CDH2: variants seen among roughly 807,000 people sequenced by gnomAD.
The protein encoded by CDH2 is cadherin-2.
A neutral mutation model predicts 92.0 loss-of-function variants in CDH2; 17 were observed. The observed-to-expected ratio is 0.18, with a 90% CI of 0.13 to 0.28. The LOEUF is 0.28. Among genes scored for constraint, CDH2 ranks in the 10% least tolerant of loss-of-function variants. The pLI, the probability that CDH2 is intolerant of heterozygous loss-of-function variation, is 1.00. For synonymous variants in CDH2, 419 were observed against 415.9 expected (o/e 1.01, Z -0.09); for missense variants, 862 against 1,133.1 (o/e 0.76, Z 3.44).
chr18:28,163,774 A>G (rs1000638368), intron 1 of CDH2, among the ~76,000 whole-genome samples: 2 of 152,234 alleles, frequency 1.3e-5, no homozygotes, highest in African/African-American at 4.8e-5. Context: ...TTATATATAC[A>G]CATGCATGAT....
chr18:28,129,784 G>T (rs982662504), intron 2 of CDH2, among the ~76,000 whole-genome samples: 1 of 152,086 alleles, frequency 6.6e-6, no homozygotes, highest in Non-Finnish European at 1.5e-5. Flanking sequence ...AGCTGGGATC[G>T]TACATTTATC....
intron 6 of CDH2, 115 bp downstream of exon 6, chr18:28,005,734 G>T: frequency 3.1e-6 from 2 of 651,156 alleles, no homozygotes; most frequent in Non-Finnish European, 2.4e-6. Context: ...CATTATGAAT[G>T]AAAGAAAAGG....
At chr18:28,000,612 A>C (rs1053280472) in intron 7 of CDH2, among the ~76,000 whole-genome samples, 1 of 152,192 alleles carries the variant, frequency 6.6e-6, no homozygotes, top group African/African-American at 2.4e-5. Context: ...GAAAATGGAC[A>C]TGAAATGGAA....
At chr18:28,060,509 G>GT (rs1249057492) in intron 2 of CDH2, among the ~76,000 whole-genome samples, 16 of 152,186 alleles carry the variant, frequency 1.1e-4, no homozygotes, top group Middle Eastern at 3.4e-3. Context: ...ATTAACTGCA[G>GT]TATTTCTTTA....
chr18:27,944,379 TTAAG>T (rs1390447107), intron 6 of CDH2, among the ~76,000 whole-genome samples: 1 of 152,196 alleles, frequency 6.6e-6, no homozygotes, highest in African/African-American at 2.4e-5. Context: ...CATTTCATAA[TTAAG>T]TTAGCCATTA....
At chr18:28,173,673 A>C (rs2016496527) in intron 1 of CDH2, among the ~76,000 whole-genome samples, 1 of 152,172 alleles carries the variant, frequency 6.6e-6, no homozygotes, top group South Asian at 2.1e-4. Context: ...ATGAACATTA[A>C]AATACTGTCC....
Position 28,133,653 on chromosome 18 carries a change from T to C in CDH2, c.172+14020A>G, listed in dbSNP as rs114205539. On this transcript the variant is annotated intron_variant, in intron 2 of 15. Transcript: ENST00000269141. ...TAATAAATAAAATCTATTGTCATTATAGAGCCATGAATTCTCTTGTTTGCG... is the reference window on the plus strand; with the variant it reads ...TAATAAATAAAATCTATTGTCATTACAGAGCCATGAATTCTCTTGTTTGCG... Among the ~76,000 whole-genome samples, 1,369 of 151,858 alleles carry C rather than the reference T, an allele frequency of 9.0e-3. 17 individuals are homozygous for C. The highest frequency in any genetic ancestry group is 0.031 in the African/African-American group (1,264 of 41,374).
chr18:28,139,442 T>C (rs896173202), intron 2 of CDH2, among the ~76,000 whole-genome samples: 2 of 152,004 alleles, frequency 1.3e-5, no homozygotes, highest in Non-Finnish European at 2.9e-5. Flanking sequence ...TCAATCTGTA[T>C]CCAAACTGAG....
At chr18:27,971,101 T>C (rs925482462) in intron 14 of CDH2, among the ~76,000 whole-genome samples, 3 of 152,104 alleles carry the variant, frequency 2.0e-5, no homozygotes, top group Non-Finnish European at 4.4e-5. Flanking sequence ...CTGGGCGTCG[T>C]GGCACACGCC....
At position 27,952,133 on chromosome 18, in the gene CDH2, A is replaced by C. The variant is rs768651826; in HGVS notation, c.*20T>G. 5 of 1,604,934 alleles carry C rather than the reference A, an allele frequency of 3.1e-6. No individual in the cohort carries two copies. The South Asian group carries it at 5.5e-5, about 18-fold the overall frequency. On this transcript the variant is annotated 3_prime_UTR_variant, in exon 16 of 16. Coordinates refer to ENST00000269141, the MANE Select transcript of CDH2 (RefSeq NM_001792.5). ...TTGAAATTGTTTGTACTTGTCCAAA[A>C]ACCAAGTTCACCCTGAAGTTCAGTC...
chr18:28,112,427 C>T (rs1160170051), intron 2 of CDH2, among the ~76,000 whole-genome samples: 3 of 152,096 alleles, frequency 2.0e-5, no homozygotes, highest in Non-Finnish European at 4.4e-5. Context: ...ACCAAATGGC[C>T]AGTAAAGAGG....
chr18:28,137,659 T>C (rs573509027), intron 2 of CDH2, among the ~76,000 whole-genome samples: 5 of 152,290 alleles, frequency 3.3e-5, no homozygotes, highest in African/African-American at 1.2e-4. Context: ...TTCTATGTTG[T>C]ATAAGTTTAG....
chr18:27,957,132 T>TCCCATCCATCCATCCATCCA (rs2011268651), intron 15 of CDH2, among the ~76,000 whole-genome samples: 1 of 8,708 alleles, frequency 1.1e-4, no homozygotes, highest in African/African-American at 1.5e-4. Flanking sequence ...TATCCATCCA[T>TCCCATCCATCCATCCATCCA]CCCATCCATC....
chr18:28,093,995 A>T (rs541436200), intron 2 of CDH2, among the ~76,000 whole-genome samples: 1 of 152,312 alleles, frequency 6.6e-6, no homozygotes, highest in South Asian at 2.1e-4. Flanking sequence ...CACACCAATG[A>T]ATCTAAATTA....
chr18:28,149,216 G>A (rs768269741), intron 1 of CDH2, among the ~76,000 whole-genome samples: 1 of 152,144 alleles, frequency 6.6e-6, no homozygotes, highest in Non-Finnish European at 1.5e-5. Flanking sequence ...GAGTGCTCCA[G>A]TTGACATGTG....
Position 28,177,054 on chromosome 18 carries a change from A to AGGCGGCGGCGGCGGC in CDH2, c.-33_-32insGCCGCCGCCGCCGCC. ...GGAGAGGGGCCGAGCGAAGAGCCGG[A>AGGCGGCGGCGGCGGC]GGAGGCGGCGGCGGCGGCGGCGGCG... On this transcript the variant is annotated 5_prime_UTR_variant, in exon 1 of 16. Coordinates refer to ENST00000269141, the MANE Select transcript of CDH2 (RefSeq NM_001792.5). 4 of 1,434,688 alleles carry AGGCGGCGGCGGCGGC rather than the reference A, an allele frequency of 2.8e-6. No homozygotes were observed. Among genetic ancestry groups the AGGCGGCGGCGGCGGC allele is most frequent in the Non-Finnish European group, 2.8e-6 (3 of 1,083,868 alleles). 88.9% of individuals were successfully genotyped at this position (1,434,688 alleles called of 1,614,324 possible).
At chr18:28,063,236 T>C (rs1016049252) in intron 2 of CDH2, among the ~76,000 whole-genome samples, 2 of 152,222 alleles carry the variant, frequency 1.3e-5, no homozygotes, top group African/African-American at 4.8e-5. Context: ...GCTTTTCTTG[T>C]ATCTTGAAGC....
intron 2 of CDH2, among the ~76,000 whole-genome samples, chr18:28,016,231 T>G (rs758799851): frequency 6.6e-6 from 1 of 152,218 alleles, no homozygotes; most frequent in Non-Finnish European, 1.5e-5. Flanking sequence ...GAGTGGATCT[T>G]CTCTCCCTAA....
At chr18:27,961,095 A>AACTC (rs2011392235) in intron 15 of CDH2, among the ~76,000 whole-genome samples, 1 of 151,972 alleles carries the variant, frequency 6.6e-6, no homozygotes. Flanking sequence ...CTCAAACATA[A>AACTC]ACTCAGAATT....
Sources: allele counts gnomAD v4.1 joint callset (sites outside exome capture counted in the v4.1 genomes callset), GRCh38; gene constraint gnomAD v4.1.1; transcripts MANE v1.5; gene names NCBI Gene and HGNC (gene_info 2026-07-23, HGNC 2026-07-21).